The following MARS1 variants were observed in gnomAD, a reference collection of about 807,000 sequenced individuals.
MARS1 encodes the protein methionine--tRNA ligase, cytoplasmic.
In MARS1, 80 loss-of-function variants were observed where a neutral mutation model predicts 119.5. The ratio of observed to expected loss-of-function variants is 0.67; its 90% CI spans 0.56 to 0.81. The LOEUF is 0.81. Among genes scored for constraint, MARS1 ranks in the 30% least tolerant of loss-of-function variants. MARS1 has a pLI of 0.00. For missense variants in MARS1, 945 were observed against 1,116.5 expected, an observed-to-expected ratio of 0.85 and a Z score of 2.19; for synonymous variants, 418 against 433.4, an observed-to-expected ratio of 0.96 and a Z score of 0.44.
chr12:57,511,927 G>A (rs1267025787), intron 12 of MARS1, 59 bp downstream of exon 12: 86 of 1,608,062 alleles, frequency 5.3e-5, no homozygotes, highest in Non-Finnish European at 8.5e-6. Context: ...TGGGCTAGCA[G>A]AGTAGACTGC....
At position 57,498,471 on chromosome 12, in the gene MARS1, G is replaced by A; in HGVS notation, c.939G>A (p.Glu313=). 6.2e-7 allele frequency: 1 copy of A among 1,614,222 alleles called. No homozygotes were observed. The highest frequency in any genetic ancestry group is 8.5e-7 in the Non-Finnish European group (1 of 1,180,044). The change falls in exon 9 of 21, where the codon GAG becomes GAA. Residue 313 remains glutamate, a synonymous_variant. Transcript: ENST00000262027. ...CCCTCTATCTGTGTGGGACAGATGA[G>A]TATGGTACAGCAACAGAGACCAAGG... ...WNTLYLCGTD[E]YGTATETKAL... is the part of the protein sequence containing the mutation.
chr12:57,500,560 A>C, intron 10 of MARS1, 38 bp downstream of exon 10: 1 of 1,592,062 alleles, frequency 6.3e-7, no homozygotes, highest in Non-Finnish European at 8.6e-7. Context: ...GGAAGGAGAC[A>C]GTCCTTATTC....
chr12:57,516,183 T>C, intron 19 of MARS1, 62 bp from the exon 20 acceptor site: 1 of 1,481,304 alleles, frequency 6.8e-7, no homozygotes, highest in Non-Finnish European at 9.4e-7. Context: ...TCTGAGATGC[T>C]GTATAAAACT....
At chr12:57,505,112 G>A (rs1253212178) in intron 11 of MARS1, among the ~76,000 whole-genome samples, 2 of 151,718 alleles carry the variant, frequency 1.3e-5, no homozygotes, top group Admixed American at 1.3e-4. Flanking sequence ...GCCTGCAAAC[G>A]TGTTGGGATT....
intron 11 of MARS1, among the ~76,000 whole-genome samples, chr12:57,505,265 G>T (rs1473152845): frequency 6.6e-6 from 1 of 151,550 alleles, no homozygotes; most frequent in Admixed American, 6.6e-5. Flanking sequence ...AGGTTCAAGC[G>T]ATTCCTCTGC....
In MARS1 at chr12:57,514,838, C is replaced by T. The variant is rs1877703051; in HGVS notation, c.2086C>T (p.Leu696Phe). The T allele has an allele frequency of 1.2e-5, 19 of 1,613,876 alleles. No homozygotes were observed. The highest frequency in any genetic ancestry group is 1.5e-5 in the Non-Finnish European group (18 of 1,179,884). ...GGAGCTCCAGCACTATCACCAGCTA[C>T]TTGAGAAGGTTCGGTAAGTAACTGA... ...TLELQHYHQL[L>F]EKVRIRDALR... Residue 696 changes from leucine to phenylalanine, a missense_variant, in exon 16 of 21, where the codon CTT becomes TTT. Transcript: ENST00000262027.
chr12:57,504,345 G>A, intron 11 of MARS1, 46 bp downstream of exon 11: 3 of 1,476,822 alleles, frequency 2.0e-6, no homozygotes, highest in African/African-American at 1.4e-5. Flanking sequence ...GGCCTCTTCT[G>A]TCCCCTCTGC....
At chr12:57,493,789 T>TTATATTATATAA (rs1876352929) in intron 7 of MARS1, among the ~76,000 whole-genome samples, 1 of 1,964 alleles carries the variant, frequency 5.1e-4, no homozygotes, top group African/African-American at 1.8e-3. Context: ...ATATTATATA[T>TTATATTATATAA]TATATATTAT....
intron 5 of MARS1, 79 bp from the exon 6 acceptor site, chr12:57,490,128 C>G: frequency 6.6e-7 from 1 of 1,523,406 alleles, no homozygotes; most frequent in Non-Finnish European, 9.0e-7. Flanking sequence ...GGAGAAACCT[C>G]ACAAAGAAGG....
rs117101415 is a variant in MARS1, at chr12:57,489,958, C to T, written c.477C>T (p.Pro159=). Reference sequence around the variant, plus strand: ...CCCTATACCCATTACTGCAAGATCCCGCCTACCTCCCTGGTGAGAACTGTG... The same window carrying T: ...CCCTATACCCATTACTGCAAGATCCTGCCTACCTCCCTGGTGAGAACTGTG... ...WGALYPLLQD[P]AYLPEELSAL... is the part of the protein sequence containing the mutation. Residue 159 remains proline (P), a synonymous_variant, in exon 5 of 21, where the codon CCC becomes CCT. Coordinates refer to ENST00000262027, the MANE Select transcript of MARS1 (RefSeq NM_004990.4). 1,476 of 1,613,992 alleles carry T rather than the reference C, an allele frequency of 9.1e-4. 34 individuals are homozygous for T. In the East Asian group the frequency reaches 0.026, roughly 29 times the overall value.
chr12:57,501,060 G>C (rs918400149), intron 10 of MARS1, among the ~76,000 whole-genome samples: 1 of 152,232 alleles, frequency 6.6e-6, no homozygotes, highest in Admixed American at 6.5e-5. Context: ...GGTAGATAGG[G>C]AAGGCCTTTC....
At chr12:57,498,347 G>A (rs1052328240) in intron 8 of MARS1, 73 bp from the exon 9 acceptor site, 2 of 1,593,296 alleles carry the variant, frequency 1.3e-6, no homozygotes, top group African/African-American at 1.3e-5. Flanking sequence ...CTTCAAGGGT[G>A]GGGCTGGGGA....
At chr12:57,491,481 G>A (rs138573563) in intron 7 of MARS1, among the ~76,000 whole-genome samples, 1 of 152,136 alleles carries the variant, frequency 6.6e-6, no homozygotes, top group African/African-American at 2.4e-5. Flanking sequence ...CCCTTACCAA[G>A]TCGTTGACTC....
chr12:57,516,424 C>A lies in MARS1; in HGVS notation c.2557-11C>A. On this transcript the variant is annotated splice_polypyrimidine_tract_variant and intron_variant, in intron 20 of 20. Transcript: ENST00000262027. ...GCCTCACTGTTACCTCCCCACCCCC[C>A]TTTATCTTAGGGAAACATTGTCCGA... The A allele has an allele frequency of 6.2e-7, 1 of 1,613,020 alleles. No homozygotes were observed. The highest frequency in any genetic ancestry group is 8.5e-7 in the Non-Finnish European group (1 of 1,179,310).
At chr12:57,489,380 C>G (rs1370073626) in intron 3 of MARS1, 35 bp downstream of exon 3, 1 of 1,614,154 alleles carries the variant, frequency 6.2e-7, no homozygotes, top group Non-Finnish European at 8.5e-7. Flanking sequence ...CAGGCAGGCC[C>G]TTGTTCTGCG....
chr12:57,503,561 T>C (rs373910715), intron 10 of MARS1, among the ~76,000 whole-genome samples: 65 of 151,808 alleles, frequency 4.3e-4, no homozygotes, highest in African/African-American at 1.5e-3. Context: ...TTTTTTTTTT[T>C]TTTGAGACAG....
At chr12:57,493,729 T>TATTATAA (rs1491212210) in intron 7 of MARS1, among the ~76,000 whole-genome samples, 1 of 1,158 alleles carries the variant, frequency 8.6e-4, no homozygotes, top group African/African-American at 1.4e-3. Flanking sequence ...ATATATTATA[T>TATTATAA]TATATAATAT....
At chr12:57,506,518 G>C (rs560129373) in intron 11 of MARS1, among the ~76,000 whole-genome samples, 2 of 152,274 alleles carry the variant, frequency 1.3e-5, no homozygotes, top group South Asian at 4.1e-4. Flanking sequence ...TTCTTGGTTG[G>C]AATACTACAT....
Position 57,515,940 on chromosome 12 carries a change from A to G in MARS1, c.2412A>G (p.Lys804=). 1 of 1,614,092 alleles carries G rather than the reference A, an allele frequency of 6.2e-7. No homozygotes were observed. Among genetic ancestry groups the G allele is most frequent in the East Asian group, 2.2e-5 (1 of 44,892 alleles). ...TACAGGTCAGTCCCTTGTTCCAAAA[A>G]TTGGAAAATGACCAGATTGAAAGTT... ...QIGTVSPLFQ[K]LENDQIESLR... The change falls in exon 19 of 21, where the codon AAA becomes AAG. Residue 804 remains lysine (K), a synonymous_variant. Coordinates refer to ENST00000262027, the MANE Select transcript of MARS1 (RefSeq NM_004990.4).
Sources: gnomAD v4.1 joint callset for allele counts (sites outside exome capture counted in the v4.1 genomes callset) on GRCh38, gnomAD v4.1.1 for gene constraint, MANE v1.5 for transcripts, NCBI Gene and HGNC (gene_info 2026-07-23, HGNC 2026-07-21) for gene names.